The following PARVA variants were observed in gnomAD, a reference collection of about 807,000 sequenced individuals.
The protein encoded by PARVA is alpha-parvin.
A neutral mutation model predicts 52.6 loss-of-function variants in PARVA; 25 were observed. That is an observed-to-expected ratio of 0.48 (90% CI 0.35 to 0.66). PARVA has a LOEUF of 0.66. Among genes scored for constraint, PARVA ranks in the 30% least tolerant of loss-of-function variants. PARVA has a pLI of 0.01. For synonymous variants in PARVA, 185 were observed against 179.1 expected, an observed-to-expected ratio of 1.03 and a Z score of -0.26; for missense variants, 373 against 450.9, an observed-to-expected ratio of 0.83 and a Z score of 1.56.
chr11:12,481,058 G>A (rs1941079965), intron 4 of PARVA, among the ~76,000 whole-genome samples: 1 of 150,244 alleles, frequency 6.7e-6, no homozygotes, highest in African/African-American at 2.4e-5. Context: ...TAAAGTGACT[G>A]TTTTTCTCTT....
intron 1 of PARVA, among the ~76,000 whole-genome samples, chr11:12,471,962 A>G (rs1436158116): frequency 6.6e-6 from 1 of 152,260 alleles, no homozygotes; most frequent in Non-Finnish European, 1.5e-5. Context: ...GCTTGTTAAC[A>G]AAGTAATGAA....
At chr11:12,503,807 A>G (rs574110100) in intron 5 of PARVA, among the ~76,000 whole-genome samples, 2 of 152,306 alleles carry the variant, frequency 1.3e-5, no homozygotes, top group African/African-American at 4.8e-5. Context: ...ACCCTCAGGC[A>G]TGGTATAAAG....
At chr11:12,497,085 GA>G (rs1265130108) in intron 5 of PARVA, among the ~76,000 whole-genome samples, 2 of 152,148 alleles carry the variant, frequency 1.3e-5, no homozygotes, top group Non-Finnish European at 2.9e-5. Context: ...CATAGGCACT[GA>G]AACAAGATGT....
intron 1 of PARVA, among the ~76,000 whole-genome samples, chr11:12,456,693 C>G (rs769301948): frequency 2.0e-5 from 3 of 152,118 alleles, no homozygotes; most frequent in Non-Finnish European, 4.4e-5. Flanking sequence ...TCCCTCTTCA[C>G]CTGGTGAACT....
chr11:12,473,851 C>A lies in PARVA; in HGVS notation c.226+17C>A, dbSNP rs751172578. ...CGATGCTGGGTAACTGTGCTCTTGTCTCTGAATTCGCTTAAGCTTTCCCAT... is the reference window on the plus strand; with the variant it reads ...CGATGCTGGGTAACTGTGCTCTTGTATCTGAATTCGCTTAAGCTTTCCCAT... On this transcript the variant is annotated intron_variant, in intron 2 of 12. Coordinates refer to ENST00000334956, the MANE Select transcript of PARVA (RefSeq NM_018222.5). 4 of 1,564,922 alleles carry A rather than the reference C, an allele frequency of 2.6e-6. No homozygotes were observed. In the South Asian group the frequency reaches 4.7e-5, roughly 18 times the overall value.
intron 8 of PARVA, chr11:12,513,086 C>T (rs988355498): frequency 1.5e-6 from 1 of 684,856 alleles, no homozygotes; most frequent in East Asian, 2.8e-5. Flanking sequence ...TGTACACATG[C>T]ACGGACACAG....
chr11:12,466,163 A>C (rs1169594934), intron 1 of PARVA, among the ~76,000 whole-genome samples: 1 of 152,140 alleles, frequency 6.6e-6, no homozygotes, highest in East Asian at 1.9e-4. Context: ...GCTTATTCAG[A>C]TCTTTTGCCC....
chr11:12,391,852 T>G (rs1939664482), intron 1 of PARVA, among the ~76,000 whole-genome samples: 1 of 152,200 alleles, frequency 6.6e-6, no homozygotes, highest in Admixed American at 6.5e-5. Context: ...AGTGGGCACT[T>G]TTTTAATATA....
intron 12 of PARVA, among the ~76,000 whole-genome samples, chr11:12,521,945 T>C (rs1941641816): frequency 1.3e-5 from 2 of 152,322 alleles, no homozygotes; most frequent in South Asian, 4.1e-4. Flanking sequence ...AAAATGCAGC[T>C]GTGCTGACAC....
At position 12,531,399 on chromosome 11, in the gene PARVA, A is replaced by C. The variant is rs534954886; in HGVS notation, c.*3474A>C. On this transcript the variant is annotated 3_prime_UTR_variant, in exon 13 of 13. Transcript: ENST00000334956. ...CAGAGTATACTTGAAGCTTATTTGC[A>C]TCAACAGTATTCTGGAGCTGTAATT... 1.3e-5 allele frequency among the ~76,000 whole-genome samples: 2 copies of C among 152,188 alleles called. No individual in the cohort carries two copies. Among genetic ancestry groups the C allele is most frequent in the South Asian group, 2.1e-4 (1 of 4,834 alleles).
intron 1 of PARVA, among the ~76,000 whole-genome samples, chr11:12,472,291 C>G (rs1940944994): frequency 6.6e-6 from 1 of 152,222 alleles, no homozygotes; most frequent in African/African-American, 2.4e-5. Flanking sequence ...GGGCTGCATT[C>G]AAAGCCATCC....
intron 1 of PARVA, chr11:12,453,067 G>A (rs1402387701): frequency 2.2e-6 from 1 of 455,474 alleles, no homozygotes; most frequent in Non-Finnish European, 4.4e-6. Flanking sequence ...AACGTGCTGT[G>A]GTGGGAGCGA....
intron 1 of PARVA, among the ~76,000 whole-genome samples, chr11:12,412,986 T>C (rs1304689961): frequency 6.6e-6 from 1 of 152,260 alleles, no homozygotes; most frequent in African/African-American, 2.4e-5. Context: ...GAAATTGCTC[T>C]GGTCAGTAAC....
intron 1 of PARVA, among the ~76,000 whole-genome samples, chr11:12,437,777 G>C (rs966256365): frequency 6.6e-6 from 1 of 152,168 alleles, no homozygotes; most frequent in Admixed American, 6.5e-5. Flanking sequence ...GCCCATGTGG[G>C]GAATGTGCAG....
intron 1 of PARVA, among the ~76,000 whole-genome samples, chr11:12,458,944 G>A (rs1160168982): frequency 6.6e-6 from 1 of 152,102 alleles, no homozygotes; most frequent in African/African-American, 2.4e-5. Context: ...GTCTCTTCTT[G>A]GGTCTGTCAT....
chr11:12,443,361 G>A (rs1489594533), intron 1 of PARVA, among the ~76,000 whole-genome samples: 3 of 150,454 alleles, frequency 2.0e-5, no homozygotes, highest in Non-Finnish European at 4.4e-5. Flanking sequence ...CAGTAGAGAC[G>A]GGGTTTCACC....
chr11:12,393,044 GAAAAAA>G (rs60966710), intron 1 of PARVA, among the ~76,000 whole-genome samples: 4 of 46,166 alleles, frequency 8.7e-5, no homozygotes, highest in Non-Finnish European at 2.0e-4. Flanking sequence ...CCCAAATTGT[GAAAAAA>G]AAAAAAAAAA....
intron 5 of PARVA, among the ~76,000 whole-genome samples, chr11:12,497,884 T>TTC (rs1237725458): frequency 5.9e-5 from 9 of 152,190 alleles, no homozygotes; most frequent in African/African-American, 1.7e-4. Flanking sequence ...TAATGAAGAC[T>TTC]GCTGTTTAGT....
At chr11:12,465,861 T>C (rs1281913412) in intron 1 of PARVA, among the ~76,000 whole-genome samples, 19 of 152,260 alleles carry the variant, frequency 1.2e-4, no homozygotes, top group Admixed American at 1.2e-3. Context: ...TTCAAATCAG[T>C]TGGGTAAATA....
Sources: allele counts gnomAD v4.1 joint callset (sites outside exome capture counted in the v4.1 genomes callset), GRCh38; gene constraint gnomAD v4.1.1; transcripts MANE v1.5; gene names NCBI Gene and HGNC (gene_info 2026-07-23, HGNC 2026-07-21).